The following TANGO6 variants were observed in gnomAD, a reference collection of about 807,000 sequenced individuals.
TANGO6 encodes the protein transport and Golgi organization protein 6 homolog.
A neutral mutation model predicts 114.2 loss-of-function variants in TANGO6; 90 were observed. The observed-to-expected ratio is 0.79, with a 90% CI of 0.66 to 0.94. The LOEUF is 0.94. TANGO6 is among the 40% of genes least tolerant of loss of function. The pLI, the probability that TANGO6 is intolerant of heterozygous loss-of-function variation, is 0.00. For missense variants in TANGO6, 1,274 were observed against 1,315.3 expected (o/e 0.97, Z 0.49); for synonymous variants, 477 against 509.8 (o/e 0.94, Z 0.87).
At chr16:69,062,838 G>A (rs1426620736) in intron 17 of TANGO6, among the ~76,000 whole-genome samples, 1 of 147,324 alleles carries the variant, frequency 6.8e-6, no homozygotes, top group Non-Finnish European at 1.5e-5. Flanking sequence ...CCTCATGCCT[G>A]TAATCCTAGC....
chr16:69,055,911 C>T (rs1305519385), intron 17 of TANGO6, among the ~76,000 whole-genome samples: 2 of 151,886 alleles, frequency 1.3e-5, no homozygotes, highest in Admixed American at 6.6e-5. Flanking sequence ...TGGTGGTGGG[C>T]GTCTGTAATC....
chr16:68,904,674 C>A (rs1482391718), intron 9 of TANGO6, among the ~76,000 whole-genome samples: 1 of 151,994 alleles, frequency 6.6e-6, no homozygotes, highest in Non-Finnish European at 1.5e-5. Flanking sequence ...TTGTACAATA[C>A]AAAAAACACA....
chr16:68,877,860 G>A lies in TANGO6; in HGVS notation c.1132-258G>A, dbSNP rs189190908. Among the ~76,000 whole-genome samples the A allele has an allele frequency of 6.9e-3, 1,044 of 152,044 alleles. 15 individuals are homozygous for A. The highest frequency in any genetic ancestry group is 0.024 in the African/African-American group (985 of 41,476). On this transcript the variant is annotated intron_variant, in intron 5 of 17. Coordinates refer to ENST00000261778, the MANE Select transcript of TANGO6 (RefSeq NM_024562.2). ...CCTGACCTTGTGATCCTCCCGCCTC[G>A]GCCTCCCAAAGTGTTGGGATTACAG... is the stretch of plus-strand genomic sequence containing the variant.
chr16:68,908,390 A>G (rs1401469257), intron 10 of TANGO6, among the ~76,000 whole-genome samples: 1 of 152,056 alleles, frequency 6.6e-6, no homozygotes, highest in Non-Finnish European at 1.5e-5. Context: ...TCTTAATTGT[A>G]TACTTAAAAA....
chr16:69,015,627 G>A (rs1285158804), intron 15 of TANGO6, among the ~76,000 whole-genome samples: 28 of 151,900 alleles, frequency 1.8e-4, no homozygotes, highest in East Asian at 3.9e-4. Context: ...GACTACAGGC[G>A]CCCGCCACCA....
chr16:69,001,805 T>C (rs1273781438), intron 15 of TANGO6, among the ~76,000 whole-genome samples: 5 of 152,196 alleles, frequency 3.3e-5, no homozygotes, highest in Non-Finnish European at 7.3e-5. Flanking sequence ...CCATTCCGCA[T>C]TTCATATCTT....
intron 17 of TANGO6, among the ~76,000 whole-genome samples, chr16:69,063,996 G>A (rs745469353): frequency 8.6e-5 from 13 of 151,812 alleles, no homozygotes; most frequent in Admixed American, 6.6e-4. Flanking sequence ...GCCACCACGC[G>A]TGGCTAATTT....
At chr16:68,977,041 T>C (rs1330603937) in intron 15 of TANGO6, among the ~76,000 whole-genome samples, 1 of 152,130 alleles carries the variant, frequency 6.6e-6, no homozygotes, top group Non-Finnish European at 1.5e-5. Flanking sequence ...CTTTATCTGG[T>C]AGGGGAAGAT....
intron 11 of TANGO6, among the ~76,000 whole-genome samples, chr16:68,913,502 G>A (rs986392594): frequency 4.1e-5 from 6 of 147,932 alleles, no homozygotes; most frequent in Non-Finnish European, 7.4e-5. Flanking sequence ...TCTGCCTCCC[G>A]GGTTGAAGCG....
At chr16:69,024,806 A>G (rs1246804026) in intron 16 of TANGO6, among the ~76,000 whole-genome samples, 2 of 151,814 alleles carry the variant, frequency 1.3e-5, no homozygotes, top group Non-Finnish European at 2.9e-5. Context: ...TACAGTTTAA[A>G]TTACCTTTTT....
At chr16:68,921,414 C>T (rs1209669246) in intron 12 of TANGO6, among the ~76,000 whole-genome samples, 1 of 151,826 alleles carries the variant, frequency 6.6e-6, no homozygotes, top group Non-Finnish European at 1.5e-5. Flanking sequence ...GAACCCCTGA[C>T]CTCAAGTGAT....
chr16:69,010,481 C>T (rs886075967), intron 15 of TANGO6, among the ~76,000 whole-genome samples: 1 of 152,142 alleles, frequency 6.6e-6, no homozygotes, highest in Non-Finnish European at 1.5e-5. Context: ...TCATTGTGCC[C>T]TTCGTTGCAG....
intron 17 of TANGO6, among the ~76,000 whole-genome samples, chr16:69,062,036 G>A (rs1338217544): frequency 6.6e-6 from 1 of 152,002 alleles, no homozygotes; most frequent in Admixed American, 6.6e-5. Flanking sequence ...GAAAAAAAAA[G>A]AATGCATTTC....
At chr16:69,043,428 C>T (rs1337937305) in intron 17 of TANGO6, among the ~76,000 whole-genome samples, 2 of 152,012 alleles carry the variant, frequency 1.3e-5, no homozygotes, top group Non-Finnish European at 2.9e-5. Flanking sequence ...GCTTGTCTCA[C>T]CAGTACTAAA....
intron 12 of TANGO6, among the ~76,000 whole-genome samples, chr16:68,922,584 A>G (rs903065115): frequency 5.3e-5 from 8 of 152,052 alleles, no homozygotes; most frequent in African/African-American, 1.9e-4. Context: ...ACTGCTGACA[A>G]GATAACTGTA....
intron 7 of TANGO6, among the ~76,000 whole-genome samples, chr16:68,883,737 G>A (rs1171092871): frequency 6.6e-6 from 1 of 152,158 alleles, no homozygotes; most frequent in African/African-American, 2.4e-5. Context: ...CTTCTGGACT[G>A]TTGTCCAAAG....
At chr16:69,070,403 C>T (rs1011682675) in intron 17 of TANGO6, among the ~76,000 whole-genome samples, 4 of 151,818 alleles carry the variant, frequency 2.6e-5, no homozygotes, top group African/African-American at 4.8e-5. Flanking sequence ...GAGGCCGAAG[C>T]GGGGGGATCA....
chr16:68,898,814 C>G (rs976070619), intron 7 of TANGO6, among the ~76,000 whole-genome samples: 1 of 152,102 alleles, frequency 6.6e-6, no homozygotes, highest in Non-Finnish European at 1.5e-5. Context: ...TCTCTTTTTA[C>G]CATTATCACT....
At chr16:68,930,434 C>CT (rs1168851422) in intron 14 of TANGO6, 139 bp downstream of exon 14, 2 of 651,206 alleles carry the variant, frequency 3.1e-6, no homozygotes, top group East Asian at 2.7e-5. Flanking sequence ...AGCTAGGACA[C>CT]TTTAAGTCAT....
Sources: allele counts gnomAD v4.1 joint callset (sites outside exome capture counted in the v4.1 genomes callset), GRCh38; gene constraint gnomAD v4.1.1; transcripts MANE v1.5; gene names NCBI Gene and HGNC (gene_info 2026-07-23, HGNC 2026-07-21).